Variants in TSC2 observed in about 807,000 individuals in gnomAD.
TSC2 encodes the protein TSC complex subunit 2, also known as tuberin.
In TSC2, 29 loss-of-function variants were observed where a neutral mutation model predicts 202.2. That is an observed-to-expected ratio of 0.14 (90% CI 0.11 to 0.20). The LOEUF is 0.20. Ranked by LOEUF, TSC2 falls within the 10% of genes least tolerant of loss-of-function variation. The probability of loss-of-function intolerance (pLI) is 1.00; values close to 1 mark genes in which losing one functional copy is unlikely to be tolerated. For missense variants in TSC2, 2,429 were observed against 2,420.0 expected, an observed-to-expected ratio of 1.00 and a Z score of -0.08; for synonymous variants, 1,349 against 1,044.0, an observed-to-expected ratio of 1.29 and a Z score of -5.63.
Position 2,071,636 on chromosome 16 carries a change from CGGCCCATGAGGCTCAG to C in TSC2, c.1946+24_1946+39del, listed in dbSNP as rs1567462945. ...CTACATGTACGCGGGACCTCGCCCACGGCCCATGAGGCTCAGGGCGTCAGAGGCGCTGGGGCTGTGG... is the reference window on the plus strand; with the variant it reads ...CTACATGTACGCGGGACCTCGCCCACGGCGTCAGAGGCGCTGGGGCTGTGG... On this transcript the variant is annotated intron_variant, in intron 18 of 41. Coordinates refer to ENST00000219476, the MANE Select transcript of TSC2 (RefSeq NM_000548.5). 5.0e-6 allele frequency: 8 copies of C among 1,612,722 alleles called. No homozygotes were observed. Among genetic ancestry groups the C allele is most frequent in the South Asian group, 1.1e-5 (1 of 91,006 alleles).
intron 29 of TSC2, 32 bp from the exon 30 acceptor site, chr16:2,080,130 AGTG>A: frequency 6.2e-7 from 1 of 1,611,836 alleles, no homozygotes. Flanking sequence ...GCATCAGGTA[AGTG>A]GTGGTCACCA....
Position 2,088,871 on chromosome 16 carries a change from GTGCGCGCGCGC to G in TSC2, c.*262_*272del. The G allele has an allele frequency of 2.0e-6, 1 of 495,432 alleles. No homozygotes were observed. Among genetic ancestry groups the G allele is most frequent in the South Asian group, 2.1e-5 (1 of 48,166 alleles). 30.7% of individuals were successfully genotyped at this position (495,432 alleles called of 1,614,324 possible). On this transcript the variant is annotated 3_prime_UTR_variant, in exon 42 of 42. Transcript: ENST00000219476. ...CCTGGGCCATACAGCACACTCGCGC[GTGCGCGCGCGC>G]ACACACACACACACACAGTCACCTT...
intron 7 of TSC2, 146 bp downstream of exon 7, chr16:2,056,390 T>G (rs2085821806): frequency 8.0e-7 from 1 of 1,248,012 alleles, no homozygotes; most frequent in Non-Finnish European, 1.1e-6. Flanking sequence ...GAGTCCCCCA[T>G]GTAAGTCAGG....
chr16:2,086,067 GA>G, intron 36 of TSC2, 125 bp from the exon 37 acceptor site: 5 of 1,115,466 alleles, frequency 4.5e-6, no homozygotes, highest in Non-Finnish European at 6.6e-6. Flanking sequence ...TGCTGGAATG[GA>G]TGGTCTTGTC....
intron 3 of TSC2, 28 bp downstream of exon 3, chr16:2,050,514 G>A (rs368647579): frequency 1.2e-6 from 2 of 1,601,546 alleles, no homozygotes; most frequent in Non-Finnish European, 1.7e-6. Flanking sequence ...AGCTACTAGA[G>A]AGAGGCACGT....
In TSC2 at chr16:2,084,462, G is replaced by A; in HGVS notation, c.4240G>A (p.Val1414Ile). Residue 1414 changes from valine to isoleucine, a missense_variant, in exon 34 of 42, where the codon GTT (valine) becomes ATT (isoleucine). By Grantham distance (29) the Val-to-Ile change is conservative. Transcript: ENST00000219476. ...CGACGTGGGCCGGCTGAGCCCTGAGGTTAAGGCCCGGTCACAGTCAGGGAC... is the reference window on the plus strand; with the variant it reads ...CGACGTGGGCCGGCTGAGCCCTGAGATTAAGGCCCGGTCACAGTCAGGGAC... Reference protein sequence around the residue: ...KADVGRLSPEVKARSQSGTLD... With the variant: ...KADVGRLSPEIKARSQSGTLD... 2.5e-6 allele frequency: 4 copies of A among 1,609,332 alleles called. No homozygotes were observed. Among genetic ancestry groups the A allele is most frequent in the Non-Finnish European group, 3.4e-6 (4 of 1,178,628 alleles).
At chr16:2,081,383 TGCCTGGCGGA>T (rs1355971538) in intron 30 of TSC2, 26 of 645,988 alleles carry the variant, frequency 4.0e-5, no homozygotes. Flanking sequence ...TGCTCTGAGG[TGCCTGGCGGA>T]GCCTGGCCTC....
At chr16:2,072,133 C>T in intron 19 of TSC2, 108 bp from the exon 20 acceptor site, 3 of 1,582,268 alleles carry the variant, frequency 1.9e-6, no homozygotes, top group Non-Finnish European at 2.6e-6. Flanking sequence ...GAACAGGGCT[C>T]CATAGCCCTT....
chr16:2,081,513 C>T (rs1220355501), intron 30 of TSC2, 82 bp from the exon 31 acceptor site: 13 of 1,581,280 alleles, frequency 8.2e-6, no homozygotes, highest in Admixed American at 3.3e-5. Flanking sequence ...AAACCAGGGC[C>T]CAGGCCAGGA....
rs764337376 is a variant in TSC2, at chr16:2,075,912, C to T, written c.2639+20C>T. ...CTCCAAGTGAGTGGTCGCCCCAGGC[C>T]CTGTGCCTCCCAGCCGTGGCCCCCG... is the stretch of plus-strand genomic sequence containing the variant. On this transcript the variant is annotated intron_variant, in intron 23 of 41. Transcript: ENST00000219476. The T allele has an allele frequency of 6.2e-7, 1 of 1,613,050 alleles. No individual in the cohort carries two copies. The highest frequency in any genetic ancestry group is 8.5e-7 in the Non-Finnish European group (1 of 1,179,958).
intron 4 of TSC2, chr16:2,053,684 A>G (rs1428213648): frequency 1.5e-6 from 1 of 658,418 alleles, no homozygotes; most frequent in Admixed American, 2.1e-5. Flanking sequence ...CCTTCCTCTT[A>G]TGGGATGTTC....
intron 5 of TSC2, chr16:2,054,935 A>C (rs2085580084): frequency 3.1e-6 from 1 of 327,574 alleles, no homozygotes; most frequent in African/African-American, 2.1e-5. Flanking sequence ...TGTCGCCCAG[A>C]AAAGGGCCTC....
At chr16:2,051,814 C>G (rs1486809427) in intron 3 of TSC2, among the ~76,000 whole-genome samples, 2 of 152,136 alleles carry the variant, frequency 1.3e-5, no homozygotes, top group Non-Finnish European at 2.9e-5. Context: ...CCTGTAATCC[C>G]AGCACTTTGG....
chr16:2,060,957 G>C (rs939648565), intron 11 of TSC2, 144 bp downstream of exon 11: 1 of 1,063,434 alleles, frequency 9.4e-7, no homozygotes, highest in Non-Finnish European at 1.4e-6. Context: ...TCGCAGTGGC[G>C]CTCATCCACC....
Position 2,081,809 on chromosome 16 carries a change from T to C in TSC2, c.3814+11T>C. On this transcript the variant is annotated intron_variant, in intron 31 of 41. Transcript: ENST00000219476. ...CTCGCTCCAACACAGGTGAGTGGCATGGCGGGCCTTGGCACGGGCTCTGCT... is the reference window on the plus strand; with the variant it reads ...CTCGCTCCAACACAGGTGAGTGGCACGGCGGGCCTTGGCACGGGCTCTGCT... The C allele has an allele frequency of 6.2e-7, 1 of 1,611,384 alleles. No homozygotes were observed.
chr16:2,086,943 G>T, intron 38 of TSC2, 72 bp downstream of exon 38: 1 of 1,544,502 alleles, frequency 6.5e-7, no homozygotes, highest in Non-Finnish European at 8.7e-7. Context: ...TTGGTGGCAG[G>T]TCCTCCTCCC....
At position 2,076,181 on chromosome 16, in the gene TSC2, G is replaced by A. The variant is rs1256570311; in HGVS notation, c.2742+11G>A. 6.2e-7 allele frequency: 1 copy of A among 1,613,448 alleles called. No individual in the cohort carries two copies. Among genetic ancestry groups the A allele is most frequent in the Non-Finnish European group, 8.5e-7 (1 of 1,180,008 alleles). On this transcript the variant is annotated intron_variant, in intron 24 of 41. Transcript: ENST00000219476. ...CCTTTCATCACTAAGGTGGGCTCAG[G>A]GCCGGTGAAGGCTGTGTCTCTCGGT...
intron 9 of TSC2, 134 bp from the exon 10 acceptor site, chr16:2,058,613 C>T: frequency 7.4e-7 from 1 of 1,351,336 alleles, no homozygotes; most frequent in Admixed American, 2.0e-5. Context: ...TGCCCTTCCC[C>T]AGCGGTGCTC....
Position 2,088,309 on chromosome 16 carries a change from A to G in TSC2, c.5243A>G (p.Lys1748Arg), listed in dbSNP as rs753424501. The G allele has an allele frequency of 6.2e-7, 1 of 1,612,678 alleles. No individual in the cohort carries two copies. Among genetic ancestry groups the G allele is most frequent in the East Asian group, 2.2e-5 (1 of 44,878 alleles). ...TGGATTGCCCGGCTCCGCCACATCA[A>G]GCGGCTCCGCCAGCGGGTAGGGAAT... Reference protein sequence around the residue: ...SKWIARLRHIKRLRQRICEEA... With the variant: ...SKWIARLRHIRRLRQRICEEA... The change falls in exon 41 of 42, where the codon AAG becomes AGG. Residue 1748 changes from lysine (K) to arginine (R), a missense_variant. Transcript: ENST00000219476.
Sources: allele counts gnomAD v4.1 joint callset (sites outside exome capture counted in the v4.1 genomes callset), GRCh38; gene constraint gnomAD v4.1.1; transcripts MANE v1.5; gene names NCBI Gene and HGNC (gene_info 2026-07-23, HGNC 2026-07-21).